The following PVT1 variants were observed in gnomAD, a reference collection of about 807,000 sequenced individuals.
The protein encoded by PVT1 is CXCR4/PVT1 fusion.
intron 5 of PVT1, among the ~76,000 whole-genome samples, chr8:128,081,932 G>T (rs931860526): frequency 1.3e-5 from 2 of 152,194 alleles, no homozygotes; most frequent in African/African-American, 4.8e-5. Flanking sequence ...CAAGCTGGAA[G>T]ATTCTTAAAT....
intron 4 of PVT1, among the ~76,000 whole-genome samples, chr8:128,047,512 T>A (rs1020358316): frequency 2.6e-5 from 4 of 152,320 alleles, no homozygotes; most frequent in Admixed American, 2.6e-4. Context: ...GTGGGAGCCA[T>A]TATCTTGTAA....
At chr8:127,835,488 C>A (rs991091965) in intron 2 of PVT1, among the ~76,000 whole-genome samples, 3 of 151,982 alleles carry the variant, frequency 2.0e-5, no homozygotes, top group African/African-American at 7.3e-5. Context: ...GGAGAAATAC[C>A]CAGTGCATGC....
chr8:127,952,104 G>A (rs965116096), intron 3 of PVT1, among the ~76,000 whole-genome samples: 4 of 152,162 alleles, frequency 2.6e-5, no homozygotes, highest in Non-Finnish European at 4.4e-5. Flanking sequence ...GTGAGCCACC[G>A]CGCCTGGCCA....
At chr8:127,982,113 A>G (rs1816888868) in intron 3 of PVT1, among the ~76,000 whole-genome samples, 1 of 152,166 alleles carries the variant, frequency 6.6e-6, no homozygotes, top group African/African-American at 2.4e-5. Context: ...GAAATGTAAG[A>G]TGGGGATAAT....
chr8:127,819,121 G>C (rs1814700035), intron 2 of PVT1, among the ~76,000 whole-genome samples: 1 of 152,178 alleles, frequency 6.6e-6, no homozygotes, highest in South Asian at 2.1e-4. Flanking sequence ...TAGGCACACT[G>C]GTACTGGGGC....
intron 5 of PVT1, among the ~76,000 whole-genome samples, chr8:128,086,544 A>T (rs1306098689): frequency 2.0e-5 from 3 of 152,238 alleles, no homozygotes; most frequent in African/African-American, 7.2e-5. Flanking sequence ...ACTAACAAGA[A>T]TGTTTGCAAA....
At chr8:128,093,409 T>C (rs1814385244) in intron 5 of PVT1, among the ~76,000 whole-genome samples, 1 of 151,916 alleles carries the variant, frequency 6.6e-6, no homozygotes. Flanking sequence ...AATAAAAAAT[T>C]AGCCAGGCTT....
In PVT1 at chr8:128,006,814, T is replaced by G. The variant is rs537458302; in HGVS notation, n.912+17523T>G. ...GACTATAATACATTTTGTGCTCAGA[T>G]TTTTCTAGATTTTACATTGGGATGC... On this transcript the variant is annotated intron_variant and non_coding_transcript_variant, in intron 4 of 10. Transcript: ENST00000651587. 5.3e-5 allele frequency among the ~76,000 whole-genome samples: 8 copies of G among 152,310 alleles called. No individual in the cohort carries two copies. The East Asian group carries it at 9.6e-4, about 18-fold the overall frequency.
intron 3 of PVT1, chr8:127,984,148 G>T (rs564422851): frequency 9.9e-5 from 15 of 152,138 alleles, no homozygotes; most frequent in African/African-American, 3.6e-4. Flanking sequence ...CAACGTGCTG[G>T]GATTACAGGC....
In PVT1 at chr8:127,801,013, G is replaced by A. The variant is rs557090339; in HGVS notation, n.372+4942G>A. ...TAACCTCCACCTGAAGTAGGGGAAG[G>A]ACAGGCGTTTCAGGCTCTGGGAAGA... On this transcript the variant is annotated intron_variant and non_coding_transcript_variant, in intron 2 of 10. Transcript: ENST00000651587. Among the ~76,000 whole-genome samples the A allele has an allele frequency of 5.3e-5, 8 of 152,308 alleles. No homozygotes were observed. In the East Asian group the frequency reaches 1.5e-3, roughly 29 times the overall value.
At chr8:127,800,294 C>T (rs747034162) in intron 2 of PVT1, among the ~76,000 whole-genome samples, 7 of 152,042 alleles carry the variant, frequency 4.6e-5, no homozygotes, top group Non-Finnish European at 8.8e-5. Context: ...TGCCTGGCAC[C>T]GTTTTAGCTG....
intron 3 of PVT1, among the ~76,000 whole-genome samples, chr8:127,984,883 TTCTTTCTTTC>T (rs1352062330): frequency 2.1e-5 from 2 of 94,302 alleles, no homozygotes; most frequent in African/African-American, 7.8e-5. Flanking sequence ...CTTTCTTTCT[TTCTTTCTTTC>T]TTTCTTTCTT....
chr8:127,906,742 T>C (rs919779995), intron 3 of PVT1, among the ~76,000 whole-genome samples: 3 of 152,176 alleles, frequency 2.0e-5, no homozygotes, highest in African/African-American at 7.2e-5. Flanking sequence ...GAGGTGTCAA[T>C]GTGCAGGCGT....
At chr8:128,082,354 T>C (rs1423410890) in intron 5 of PVT1, among the ~76,000 whole-genome samples, 1 of 152,206 alleles carries the variant, frequency 6.6e-6, no homozygotes, top group Non-Finnish European at 1.5e-5. Context: ...TACTTTACAG[T>C]TAAAATAATG....
At chr8:127,985,310 G>T (rs529090155) in intron 3 of PVT1, among the ~76,000 whole-genome samples, 4 of 152,060 alleles carry the variant, frequency 2.6e-5, no homozygotes, top group Admixed American at 2.6e-4. Context: ...GGGATTACAG[G>T]CGTGAGCCAC....
intron 2 of PVT1, among the ~76,000 whole-genome samples, chr8:127,871,291 C>T (rs536554792): frequency 2.6e-5 from 4 of 152,264 alleles, no homozygotes; most frequent in Admixed American, 2.0e-4. Flanking sequence ...TTTGCTGACG[C>T]GATGCCCAGG....
chr8:128,086,073 A>G (rs1446828153), intron 5 of PVT1, among the ~76,000 whole-genome samples: 1 of 152,264 alleles, frequency 6.6e-6, no homozygotes, highest in Non-Finnish European at 1.5e-5. Context: ...TGTATTTTGC[A>G]AAAGGGATGA....
intron 2 of PVT1, among the ~76,000 whole-genome samples, chr8:127,804,343 T>C (rs1392375739): frequency 6.6e-6 from 1 of 152,148 alleles, no homozygotes; most frequent in Non-Finnish European, 1.5e-5. Flanking sequence ...TATTTTTACT[T>C]ATTTATTTAT....
At chr8:128,100,622 C>T (rs150626380) in intron 6 of PVT1, among the ~76,000 whole-genome samples, 2 of 152,192 alleles carry the variant, frequency 1.3e-5, no homozygotes, top group South Asian at 2.1e-4. Flanking sequence ...TGGTCATCCC[C>T]TCTCTCATCC....
Sources: gnomAD v4.1 joint callset for allele counts (sites outside exome capture counted in the v4.1 genomes callset) on GRCh38, gnomAD v4.1.1 for gene constraint, MANE v1.5 for transcripts, NCBI Gene and HGNC (gene_info 2026-07-23, HGNC 2026-07-21) for gene names.